Variants in ABCA13 observed in about 807,000 individuals in gnomAD.
The protein encoded by ABCA13 is ATP-binding cassette sub-family A member 13.
A neutral mutation model predicts 478.7 loss-of-function variants in ABCA13; 476 were observed. The observed-to-expected ratio is 0.99, with a 90% CI of 0.92 to 1.07. The LOEUF (loss-of-function observed/expected upper bound fraction) is 1.07. ABCA13 is among the 50% of genes least tolerant of loss of function. The pLI, the probability that ABCA13 is intolerant of heterozygous loss-of-function variation, is 0.00. For synonymous variants in ABCA13, 2,252 were observed against 2,158.9 expected (o/e 1.04, Z -1.20); for missense variants, 6,060 against 5,910.6 (o/e 1.03, Z -0.83).
At chr7:48,560,655 G>A (rs1407304364) in intron 55 of ABCA13, among the ~76,000 whole-genome samples, 3 of 152,146 alleles carry the variant, frequency 2.0e-5, no homozygotes, top group African/African-American at 7.2e-5. Flanking sequence ...ACTAAATTAA[G>A]CTGATTAGCA....
intron 37 of ABCA13, 33 bp downstream of exon 37, chr7:48,389,253 G>A (rs1484231341): frequency 6.4e-6 from 10 of 1,573,866 alleles, no homozygotes; most frequent in Middle Eastern, 3.6e-4. Flanking sequence ...CAAACACTGG[G>A]CATTTGATTC....
chr7:48,393,880 C>A (rs982675181), intron 38 of ABCA13, among the ~76,000 whole-genome samples: 8 of 152,214 alleles, frequency 5.3e-5, no homozygotes, highest in Non-Finnish European at 8.8e-5. Flanking sequence ...CAGGTCACCC[C>A]TGCATCATGC....
chr7:48,217,453 A>G (rs926460657), intron 3 of ABCA13, among the ~76,000 whole-genome samples: 8 of 152,190 alleles, frequency 5.3e-5, no homozygotes, highest in Admixed American at 3.9e-4. Flanking sequence ...TAGTCTCACC[A>G]CTGCCGCTTC....
At chr7:48,586,947 T>TG (rs1167002689) in intron 56 of ABCA13, among the ~76,000 whole-genome samples, 10 of 152,152 alleles carry the variant, frequency 6.6e-5, no homozygotes, top group African/African-American at 2.4e-4. Flanking sequence ...ATCACTTAGA[T>TG]GTCTCCAGCT....
intron 32 of ABCA13, among the ~76,000 whole-genome samples, chr7:48,369,299 G>A (rs1048405040): frequency 6.6e-6 from 1 of 151,914 alleles, no homozygotes; most frequent in African/African-American, 2.4e-5. Context: ...GTCATTTGCT[G>A]GATATATAGA....
chr7:48,585,656 A>G (rs1293862560), intron 56 of ABCA13, among the ~76,000 whole-genome samples: 1 of 152,202 alleles, frequency 6.6e-6, no homozygotes, highest in Non-Finnish European at 1.5e-5. Flanking sequence ...AAGAGTATAC[A>G]CATTAGTTTA....
chr7:48,445,476 T>C (rs564051551), intron 42 of ABCA13, among the ~76,000 whole-genome samples: 1 of 152,252 alleles, frequency 6.6e-6, no homozygotes, highest in East Asian at 1.9e-4. Flanking sequence ...TTCAGTTTCT[T>C]AAACAGATCA....
In ABCA13 at chr7:48,272,327, G is replaced by T; in HGVS notation, c.2661G>T (p.Met887Ile). 6.2e-7 allele frequency: 1 copy of T among 1,613,684 alleles called. No individual in the cohort carries two copies. Among genetic ancestry groups the T allele is most frequent in the Non-Finnish European group, 8.5e-7 (1 of 1,179,738 alleles). ...FHSDWPKSPA[M>I]NIDFVRLSEA... The stretch of plus-strand genomic sequence containing the variant: ...CAGATTGGCCTAAATCACCAGCTAT[G>T]AACATAGATTTTGTACGTTTAAGTG... Residue 887 changes from methionine (M) to isoleucine (I), a missense_variant, in exon 17 of 62, where the codon ATG becomes ATT. Coordinates refer to ENST00000435803, the MANE Select transcript of ABCA13 (RefSeq NM_152701.5).
intron 15 of ABCA13, among the ~76,000 whole-genome samples, chr7:48,268,313 C>A (rs1338124073): frequency 1.3e-5 from 2 of 152,040 alleles, no homozygotes; most frequent in Admixed American, 6.5e-5. Flanking sequence ...CCCACCACCA[C>A]ACCCGGCTAA....
chr7:48,485,350 TG>T (rs1315528398), intron 47 of ABCA13, among the ~76,000 whole-genome samples: 1 of 152,206 alleles, frequency 6.6e-6, no homozygotes, highest in African/African-American at 2.4e-5. Context: ...ATTTCATTAT[TG>T]GACTTTATCA....
chr7:48,611,577 T>A (rs1792028834), intron 58 of ABCA13, among the ~76,000 whole-genome samples: 1 of 152,124 alleles, frequency 6.6e-6, no homozygotes, highest in South Asian at 2.1e-4. Flanking sequence ...ACGTCTTACA[T>A]GGCCAGAGCA....
At chr7:48,467,587 T>C (rs961645489) in intron 44 of ABCA13, among the ~76,000 whole-genome samples, 11 of 152,200 alleles carry the variant, frequency 7.2e-5, no homozygotes, top group Non-Finnish European at 1.2e-4. Flanking sequence ...TAAACACTTA[T>C]TTCCCTCTTA....
chr7:48,271,789 C>T lies in ABCA13; in HGVS notation c.2123C>T (p.Ala708Val), dbSNP rs1264820072. 12 of 1,475,650 alleles carry T rather than the reference C, an allele frequency of 8.1e-6. No individual in the cohort carries two copies. Among genetic ancestry groups the T allele is most frequent in the Non-Finnish European group, 1.1e-5 (12 of 1,110,950 alleles). 91.4% of individuals were successfully genotyped at this position (1,475,650 alleles called of 1,614,324 possible). The change falls in exon 17 of 62, where the codon GCT becomes GTT. Residue 708 changes from alanine to valine, a missense_variant and splice_region_variant. By Grantham distance (64) the Ala-to-Val change is moderately conservative. Around this residue, in one of 3 missense-constraint regions of ABCA13, gnomAD observed 4,423 missense variants for 4,309.1 expected, o/e 1.03. Coordinates refer to ENST00000435803, the MANE Select transcript of ABCA13 (RefSeq NM_152701.5). ...AAATAATTCTATTAATATTACAGGG[C>T]TTTAAATTTCACAAAGCACCTTCTA... is the stretch of plus-strand genomic sequence containing the variant. The part of the protein sequence containing the change: ...LKSPTASISR[A>V]LNFTKHLLMM...
At chr7:48,588,870 G>T (rs574835335) in intron 57 of ABCA13, among the ~76,000 whole-genome samples, 7 of 152,192 alleles carry the variant, frequency 4.6e-5, no homozygotes, top group African/African-American at 1.7e-4. Context: ...CATCAAGGAG[G>T]GAATCAGGAA....
intron 48 of ABCA13, among the ~76,000 whole-genome samples, chr7:48,494,130 T>G (rs572831572): frequency 6.6e-6 from 1 of 152,264 alleles, no homozygotes; most frequent in South Asian, 2.1e-4. Context: ...CCACAACTCA[T>G]TAGTATGCTG....
In ABCA13 at chr7:48,272,061, GA is replaced by G; in HGVS notation, c.2397del (p.Val800Ter). ...TCAGAAACTCTTGGAATTTGGCAAC[GA>G]AGTGATTTGGAAAATGCAGACTCTC... ...DAQKLLEFGNEVIWKMQTLGS... is the reference protein window; with the variant it reads ...DAQKLLEFGNXVIWKMQTLGS... On this transcript the variant is annotated frameshift_variant, in exon 17 of 62. Coordinates refer to ENST00000435803, the MANE Select transcript of ABCA13 (RefSeq NM_152701.5). LOFTEE classifies it high-confidence loss of function. 1 of 1,613,628 alleles carries G rather than the reference GA, an allele frequency of 6.2e-7. No homozygotes were observed. Among genetic ancestry groups the G allele is most frequent in the African/African-American group, 1.3e-5 (1 of 74,984 alleles).
Position 48,645,602 on chromosome 7 carries a change from G to A in ABCA13, c.*90G>A. Reference sequence around the variant, plus strand: ...AAACAAGCACGCGCACAATCAAGGAGCTGGAACACACTCTCCAGGCCGTCA... The same window carrying A: ...AAACAAGCACGCGCACAATCAAGGAACTGGAACACACTCTCCAGGCCGTCA... On this transcript the variant is annotated 3_prime_UTR_variant, in exon 62 of 62. Transcript: ENST00000435803. The A allele has an allele frequency of 1.9e-6, 2 of 1,039,660 alleles. No homozygotes were observed. The highest frequency in any genetic ancestry group is 2.9e-6 in the Non-Finnish European group (2 of 700,918). 64.4% of individuals were successfully genotyped at this position (1,039,660 alleles called of 1,614,324 possible).
chr7:48,549,704 C>T (rs929276846), intron 55 of ABCA13, among the ~76,000 whole-genome samples: 1 of 151,894 alleles, frequency 6.6e-6, no homozygotes, highest in Non-Finnish European at 1.5e-5. Context: ...GATTTTATTT[C>T]TCCACAGCCT....
In ABCA13 at chr7:48,310,024, C is replaced by T; in HGVS notation, c.9399C>T (p.Pro3133=). The change falls in exon 24 of 62, where the codon CCC becomes CCT. Residue 3133 remains proline, a synonymous_variant. Coordinates refer to ENST00000435803, the MANE Select transcript of ABCA13 (RefSeq NM_152701.5). ...QEILHLLLTF[P]KGEKSWIAAE... Reference sequence around the variant, plus strand: ...TCCTTCATCTCCTGCTGACATTTCCCAAAGGGGAAAAATCTTGGATCGCAG... The same window carrying T: ...TCCTTCATCTCCTGCTGACATTTCCTAAAGGGGAAAAATCTTGGATCGCAG... 1.2e-6 allele frequency: 2 copies of T among 1,613,946 alleles called. No individual in the cohort carries two copies. The highest frequency in any genetic ancestry group is 1.7e-6 in the Non-Finnish European group (2 of 1,179,844).
Sources: allele counts gnomAD v4.1 joint callset (sites outside exome capture counted in the v4.1 genomes callset), GRCh38; gene constraint gnomAD v4.1.1; regional missense constraint gnomAD v4.1.1; transcripts MANE v1.5; gene names NCBI Gene and HGNC (gene_info 2026-07-23, HGNC 2026-07-21).